The following CCSER1 variants were observed in gnomAD, a reference collection of about 807,000 sequenced individuals.
The protein encoded by CCSER1 is serine-rich coiled-coil domain-containing protein 1.
Under a neutral mutation model 82.0 loss-of-function variants are expected in CCSER1, and 41 were observed. The ratio of observed to expected loss-of-function variants is 0.50; its 90% confidence interval spans 0.39 to 0.65. The LOEUF is 0.65. Among genes scored for constraint, CCSER1 ranks in the 30% least tolerant of loss-of-function variants. CCSER1 has a pLI of 0.00. For missense variants in CCSER1, 1,119 were observed against 1,064.2 expected (o/e 1.05, Z -0.72); for synonymous variants, 414 against 383.9 (o/e 1.08, Z -0.92).
chr4:91,429,922 C>T (rs1484440645), intron 10 of CCSER1, among the ~76,000 whole-genome samples: 8 of 151,734 alleles, frequency 5.3e-5, no homozygotes, highest in Non-Finnish European at 1.0e-4. Context: ...ATTAAACAGA[C>T]TAGATAGATC....
intron 10 of CCSER1, among the ~76,000 whole-genome samples, chr4:91,293,299 G>A (rs1743901574): frequency 6.6e-6 from 1 of 151,822 alleles, no homozygotes; most frequent in African/African-American, 2.4e-5. Flanking sequence ...TCTGTCGTTT[G>A]GGTATTTATA....
chr4:90,825,999 T>G (rs2149803987), intron 8 of CCSER1, among the ~76,000 whole-genome samples: 1 of 152,216 alleles, frequency 6.6e-6, no homozygotes, highest in East Asian at 1.9e-4. Flanking sequence ...ACAACAATTG[T>G]TTTTTATAAG....
At chr4:90,428,962 A>G (rs1218506803) in intron 4 of CCSER1, among the ~76,000 whole-genome samples, 1 of 151,746 alleles carries the variant, frequency 6.6e-6, no homozygotes, top group Non-Finnish European at 1.5e-5. Flanking sequence ...AAAACTTTGG[A>G]AGTCTGAACA....
At chr4:90,241,252 A>T (rs778595189) in intron 1 of CCSER1, among the ~76,000 whole-genome samples, 1 of 152,180 alleles carries the variant, frequency 6.6e-6, no homozygotes, top group Non-Finnish European at 1.5e-5. Flanking sequence ...CTGGTGCTTT[A>T]TAGGTGCTAT....
At chr4:90,796,170 CTTA>C (rs1427834415) in intron 7 of CCSER1, among the ~76,000 whole-genome samples, 1 of 152,024 alleles carries the variant, frequency 6.6e-6, no homozygotes, top group Non-Finnish European at 1.5e-5. Flanking sequence ...AATTTCAGAG[CTTA>C]TTATTCGTCT....
intron 3 of CCSER1, among the ~76,000 whole-genome samples, chr4:90,360,919 G>C (rs1270516621): frequency 6.6e-6 from 1 of 152,066 alleles, no homozygotes; most frequent in African/African-American, 2.4e-5. Context: ...TTTTGTCATA[G>C]TATTTTCATT....
At chr4:90,710,639 T>C (rs1388392212) in intron 6 of CCSER1, among the ~76,000 whole-genome samples, 1 of 152,146 alleles carries the variant, frequency 6.6e-6, no homozygotes, top group South Asian at 2.1e-4. Flanking sequence ...CAGATAGTTG[T>C]ACATGTGTGA....
intron 10 of CCSER1, among the ~76,000 whole-genome samples, chr4:91,280,807 G>A (rs1162049237): frequency 6.6e-6 from 1 of 152,200 alleles, no homozygotes; most frequent in African/African-American, 2.4e-5. Context: ...GCCAGCAGCA[G>A]TACCTGGCTG....
intron 1 of CCSER1, among the ~76,000 whole-genome samples, chr4:90,235,966 G>T (rs1304781224): frequency 6.6e-6 from 1 of 151,860 alleles, no homozygotes; most frequent in South Asian, 2.1e-4. Context: ...TTTTGAGAGA[G>T]TGTCTCATTG....
intron 10 of CCSER1, among the ~76,000 whole-genome samples, chr4:91,313,790 G>C (rs1201607778): frequency 2.0e-5 from 3 of 151,858 alleles, no homozygotes; most frequent in Non-Finnish European, 4.4e-5. Flanking sequence ...CTATGATTGA[G>C]GCCATTTTAT....
chr4:91,042,954 C>A (rs1030516155), intron 9 of CCSER1, among the ~76,000 whole-genome samples: 1 of 152,044 alleles, frequency 6.6e-6, no homozygotes, highest in African/African-American at 2.4e-5. Context: ...CATCAGAAAG[C>A]AAAATAATCT....
intron 5 of CCSER1, among the ~76,000 whole-genome samples, chr4:90,592,243 T>C (rs1782798380): frequency 6.6e-6 from 1 of 152,182 alleles, no homozygotes; most frequent in South Asian, 2.1e-4. Flanking sequence ...AAAACACTGA[T>C]TTTTAACTGA....
intron 10 of CCSER1, among the ~76,000 whole-genome samples, chr4:91,186,305 C>T (rs528500427): frequency 6.6e-6 from 1 of 152,266 alleles, no homozygotes; most frequent in South Asian, 2.1e-4. Context: ...CTCCTTCCTC[C>T]TCCTCATCAG....
chr4:91,039,766 TC>T (rs1320399973), intron 9 of CCSER1, among the ~76,000 whole-genome samples: 20 of 151,918 alleles, frequency 1.3e-4, no homozygotes, highest in Middle Eastern at 3.2e-3. Flanking sequence ...ATATATAATA[TC>T]CACGTATGTG....
intron 8 of CCSER1, among the ~76,000 whole-genome samples, chr4:90,816,838 T>C (rs967243728): frequency 1.3e-5 from 2 of 152,128 alleles, no homozygotes. Context: ...TAGTGAGATA[T>C]TGGAGAAATT....
At chr4:90,517,338 G>A (rs1260346941) in intron 5 of CCSER1, among the ~76,000 whole-genome samples, 2 of 152,096 alleles carry the variant, frequency 1.3e-5, no homozygotes, top group African/African-American at 4.8e-5. Flanking sequence ...ACCATCTGTA[G>A]TGTGGTTGCA....
At chr4:91,006,943 T>G (rs2150491620) in intron 9 of CCSER1, among the ~76,000 whole-genome samples, 1 of 152,318 alleles carries the variant, frequency 6.6e-6, no homozygotes, top group East Asian at 1.9e-4. Context: ...TGGGTTGAGG[T>G]ACATACTTGC....
At chr4:90,987,608 GA>G (rs972497134) in intron 9 of CCSER1, among the ~76,000 whole-genome samples, 73 of 151,320 alleles carry the variant, frequency 4.8e-4, no homozygotes, top group African/African-American at 1.6e-3. Context: ...AATTTAGGAG[GA>G]AAAAAAATGA....
chr4:90,157,607 G>T (rs867058734), intron 1 of CCSER1, among the ~76,000 whole-genome samples: 4 of 151,750 alleles, frequency 2.6e-5, no homozygotes, highest in Non-Finnish European at 4.4e-5. Flanking sequence ...TTCCCTTCTC[G>T]CTTCATTTCA....
Sources: allele counts gnomAD v4.1 joint callset (sites outside exome capture counted in the v4.1 genomes callset), GRCh38; gene constraint gnomAD v4.1.1; transcripts MANE v1.5; gene names NCBI Gene and HGNC (gene_info 2026-07-23, HGNC 2026-07-21).